WWOX: variants seen among roughly 807,000 people sequenced by gnomAD.
WWOX encodes the protein WW domain containing oxidoreductase, also known as WW domain-containing oxidoreductase.
A neutral mutation model predicts 46.2 loss-of-function variants in WWOX; 69 were observed. The observed-to-expected ratio is 1.49, with a 90% CI of 1.23 to 1.82. The LOEUF is 1.82. Among genes scored for constraint, WWOX ranks in the 40% most tolerant of loss-of-function variants. The probability of loss-of-function intolerance (pLI) is 0.00; values close to 1 mark genes in which losing one functional copy is unlikely to be tolerated. For missense variants in WWOX, 919 were observed against 542.6 expected, an observed-to-expected ratio of 1.69 and a Z score of -6.89; for synonymous variants, 359 against 202.6, an observed-to-expected ratio of 1.77 and a Z score of -6.56.
At chr16:79,085,100 A>C (rs1425592497) in intron 8 of WWOX, among the ~76,000 whole-genome samples, 1 of 152,068 alleles carries the variant, frequency 6.6e-6, no homozygotes, top group African/African-American at 2.4e-5. Context: ...TATACACTTA[A>C]ATATACATAT....
chr16:78,414,440 G>A (rs752047925), intron 6 of WWOX, among the ~76,000 whole-genome samples: 1 of 152,132 alleles, frequency 6.6e-6, no homozygotes, highest in African/African-American at 2.4e-5. Flanking sequence ...ATGGTGCTGT[G>A]CACCTGTAAT....
chr16:78,424,669 A>T (rs2083033652), intron 6 of WWOX, among the ~76,000 whole-genome samples: 1 of 152,142 alleles, frequency 6.6e-6, no homozygotes, highest in Non-Finnish European at 1.5e-5. Flanking sequence ...GCCCACTCAA[A>T]GCCTTGTGAC....
intron 8 of WWOX, among the ~76,000 whole-genome samples, chr16:78,447,885 C>T (rs542797287): frequency 6.6e-6 from 1 of 152,168 alleles, no homozygotes; most frequent in Admixed American, 6.5e-5. Context: ...CTTTCTACAA[C>T]GTCCACCTCC....
At chr16:78,908,470 G>A (rs1268290211) in intron 8 of WWOX, among the ~76,000 whole-genome samples, 1 of 151,202 alleles carries the variant, frequency 6.6e-6, no homozygotes, top group Non-Finnish European at 1.5e-5. Flanking sequence ...AACCTGGGAG[G>A]CAGAGGCTGC....
intron 4 of WWOX, among the ~76,000 whole-genome samples, chr16:78,147,586 G>A (rs939183335): frequency 6.7e-6 from 1 of 150,150 alleles, no homozygotes; most frequent in African/African-American, 2.5e-5. Context: ...AAAGACTTTA[G>A]TCTTTTCAAG....
chr16:79,033,637 A>G (rs527967734), intron 8 of WWOX, among the ~76,000 whole-genome samples: 1 of 152,238 alleles, frequency 6.6e-6, no homozygotes, highest in Admixed American at 6.5e-5. Flanking sequence ...TGTTGTGCTA[A>G]CATCATGACC....
At chr16:78,952,423 C>G (rs2046079927) in intron 8 of WWOX, among the ~76,000 whole-genome samples, 1 of 151,388 alleles carries the variant, frequency 6.6e-6, no homozygotes, top group South Asian at 2.1e-4. Context: ...CGCTCTGTCC[C>G]CCACGCTGGA....
chr16:78,167,277 T>G (rs1287298560), intron 5 of WWOX: 1 of 152,222 alleles, frequency 6.6e-6, no homozygotes, highest in Non-Finnish European at 1.5e-5. Flanking sequence ...CTGGATCTAT[T>G]TGGAGCCTGT....
chr16:78,740,532 A>G (rs2049194544), intron 8 of WWOX, among the ~76,000 whole-genome samples: 1 of 152,192 alleles, frequency 6.6e-6, no homozygotes, highest in African/African-American at 2.4e-5. Context: ...GCTAGAATTC[A>G]GAGTTCCACG....
chr16:78,822,005 T>G (rs552959422), intron 8 of WWOX, among the ~76,000 whole-genome samples: 1 of 152,220 alleles, frequency 6.6e-6, no homozygotes, highest in East Asian at 1.9e-4. Flanking sequence ...GTCTCCTGAG[T>G]AGGTAGGACT....
At chr16:78,487,104 C>G (rs747375176) in intron 8 of WWOX, among the ~76,000 whole-genome samples, 18 of 152,172 alleles carry the variant, frequency 1.2e-4, no homozygotes, top group African/African-American at 4.3e-4. Flanking sequence ...TTGCCAGAAG[C>G]TATAACGAGA....
chr16:79,164,361 C>T (rs2050549372), intron 8 of WWOX, among the ~76,000 whole-genome samples: 1 of 152,120 alleles, frequency 6.6e-6, no homozygotes, highest in Non-Finnish European at 1.5e-5. Flanking sequence ...TTGCCACTTC[C>T]ACATTGAGTG....
intron 5 of WWOX, among the ~76,000 whole-genome samples, chr16:78,231,111 G>A (rs1280452325): frequency 1.3e-5 from 2 of 152,186 alleles, no homozygotes; most frequent in African/African-American, 2.4e-5. Context: ...TCACCCAACT[G>A]TTCTCTTTGT....
intron 5 of WWOX, among the ~76,000 whole-genome samples, chr16:78,317,468 A>G (rs1172126958): frequency 6.6e-6 from 1 of 152,164 alleles, no homozygotes; most frequent in Non-Finnish European, 1.5e-5. Flanking sequence ...ACCCGTCCCC[A>G]AATGTCAACA....
rs60281450 is a variant in WWOX, at chr16:78,508,310, C to CTTTTTTTT, written c.1056+75581_1056+75588dup. Among the ~76,000 whole-genome samples, 885 of 112,528 alleles carry CTTTTTTTT rather than the reference C, an allele frequency of 7.9e-3. 66 individuals are homozygous for CTTTTTTTT. The highest frequency in any genetic ancestry group is 0.026 in the East Asian group (96 of 3,630). 73.8% of individuals were successfully genotyped at this position (112,528 alleles called of 152,430 possible). A position where few individuals can be genotyped will look rare whatever the true frequency, so the allele number is the denominator to read the frequency against. On this transcript the variant is annotated intron_variant, in intron 8 of 8. Coordinates refer to ENST00000566780, the MANE Select transcript of WWOX (RefSeq NM_016373.4). The stretch of plus-strand genomic sequence containing the variant: ...ATAGGCGTGAGCCACTGCGCCCGGC[C>CTTTTTTTT]TTTTTTTTTTTTTTTTTTTTTTTTT...
chr16:78,852,401 T>C (rs951814173), intron 8 of WWOX, among the ~76,000 whole-genome samples: 2 of 152,188 alleles, frequency 1.3e-5, no homozygotes, highest in Non-Finnish European at 2.9e-5. Flanking sequence ...CTAGACACCA[T>C]GTTGCGAGGA....
intron 8 of WWOX, among the ~76,000 whole-genome samples, chr16:79,138,078 G>C (rs1052437029): frequency 6.6e-6 from 1 of 152,156 alleles, no homozygotes; most frequent in African/African-American, 2.4e-5. Context: ...CCTTGTGATT[G>C]AAAGCCCAAG....
At chr16:78,811,006 G>C (rs1433594139) in intron 8 of WWOX, among the ~76,000 whole-genome samples, 1 of 152,134 alleles carries the variant, frequency 6.6e-6, no homozygotes, top group African/African-American at 2.4e-5. Flanking sequence ...GAGCTTCTCT[G>C]GTGTTTAGTA....
chr16:79,164,197 G>C (rs775521260), intron 8 of WWOX, among the ~76,000 whole-genome samples: 1 of 152,100 alleles, frequency 6.6e-6, no homozygotes, highest in African/African-American at 2.4e-5. Flanking sequence ...TCTGTTTGAC[G>C]TGTTTGGGAG....
Sources: gnomAD v4.1 joint callset for allele counts (sites outside exome capture counted in the v4.1 genomes callset) on GRCh38, gnomAD v4.1.1 for gene constraint, MANE v1.5 for transcripts, NCBI Gene and HGNC (gene_info 2026-07-23, HGNC 2026-07-21) for gene names.